OTUD7A: variants seen among roughly 807,000 people sequenced by gnomAD.
OTUD7A encodes OTU domain-containing protein 7A.
OTUD7A carries 12 observed loss-of-function variants against 65.7 expected under a neutral mutation model. That is an observed-to-expected ratio of 0.18 (90% CI 0.12 to 0.30). The LOEUF is 0.30. Ranked by LOEUF, OTUD7A falls within the 10% of genes least tolerant of loss-of-function variation. The probability of loss-of-function intolerance (pLI) is 1.00; values close to 1 mark genes in which losing one functional copy is unlikely to be tolerated. For synonymous variants in OTUD7A, 641 were observed against 586.3 expected (o/e 1.09, Z -1.35); for missense variants, 1,148 against 1,304.8 (o/e 0.88, Z 1.85).
intron 1 of OTUD7A, among the ~76,000 whole-genome samples, chr15:31,702,382 A>G (rs1449236095): frequency 1.4e-5 from 2 of 147,168 alleles, no homozygotes; most frequent in Non-Finnish European, 3.0e-5. Flanking sequence ...AGGACTCTGA[A>G]AACTTTTAGA....
chr15:31,862,313 G>A (rs997436723), intron 1 of OTUD7A, among the ~76,000 whole-genome samples: 4 of 152,220 alleles, frequency 2.6e-5, no homozygotes, highest in African/African-American at 9.6e-5. Context: ...CTGAGATACA[G>A]GAGACATAAC....
rs538250262 is a variant in OTUD7A at position 31,757,830 on chromosome 15, A to G, written c.-99-100753T>C. 1.2e-4 allele frequency among the ~76,000 whole-genome samples: 18 copies of G among 152,362 alleles called. 1 individual carries two copies. The highest frequency in any genetic ancestry group is 6.8e-3 in the Middle Eastern group (2 of 294). On this transcript the variant is annotated intron_variant, in intron 1 of 12. Coordinates refer to ENST00000307050, the MANE Select transcript of OTUD7A (RefSeq NM_001382637.1). ...TTCTTTGAGCATTGTCAGTGCCTTGAGTAAACAAATATTCCACAAAAATTA... is the reference window on the plus strand; with the variant it reads ...TTCTTTGAGCATTGTCAGTGCCTTGGGTAAACAAATATTCCACAAAAATTA...
Position 31,749,080 on chromosome 15 carries a change from T to C in OTUD7A, c.-99-92003A>G, listed in dbSNP as rs191906496. ...GCATGTTCTCACTCATAGGTGGGAA[T>C]TGAACAATGAGAACACATGGACACA... On this transcript the variant is annotated intron_variant, in intron 1 of 12. Transcript: ENST00000307050. Among the ~76,000 whole-genome samples, 38 of 135,220 alleles carry C rather than the reference T, an allele frequency of 2.8e-4. No homozygotes were observed. In the East Asian group the frequency reaches 6.1e-3, roughly 22 times the overall value. The allele number at this position is 135,220 out of a possible 152,430, so 88.7% of individuals were successfully genotyped here. A position where few individuals can be genotyped will look rare whatever the true frequency, so the allele number is the denominator to read the frequency against.
In OTUD7A at chr15:31,771,745, G is replaced by A. The variant is rs957542218; in HGVS notation, c.-100+98762C>T. Among the ~76,000 whole-genome samples the A allele has an allele frequency of 3.9e-5, 6 of 152,112 alleles. No individual in the cohort carries two copies. In the South Asian group the frequency reaches 1.0e-3, roughly 26 times the overall value. On this transcript the variant is annotated intron_variant, in intron 1 of 12. Transcript: ENST00000307050. ...AGTCTAAGTCCAAAGTCACTAGCAT[G>A]GCTTCAAAGCCCCTGCACCAGACCC...
At chr15:31,582,012 C>T (rs993094196) in intron 3 of OTUD7A, among the ~76,000 whole-genome samples, 8 of 152,186 alleles carry the variant, frequency 5.3e-5, no homozygotes, top group Non-Finnish European at 1.2e-4. Flanking sequence ...CACAAAACAA[C>T]ATGCTTTTAA....
chr15:31,629,516 T>A (rs1395556998), intron 3 of OTUD7A, among the ~76,000 whole-genome samples: 1 of 152,228 alleles, frequency 6.6e-6, no homozygotes, highest in African/African-American at 2.4e-5. Context: ...TGAGGATTTT[T>A]GCATCAATGT....
At chr15:31,598,629 G>A (rs1444881677) in intron 3 of OTUD7A, among the ~76,000 whole-genome samples, 2 of 152,102 alleles carry the variant, frequency 1.3e-5, no homozygotes, top group Non-Finnish European at 2.9e-5. Flanking sequence ...CCATACCCCA[G>A]TGGTGCCTGG....
At chr15:31,632,460 TGC>T (rs1891199347) in intron 3 of OTUD7A, among the ~76,000 whole-genome samples, 1 of 152,232 alleles carries the variant, frequency 6.6e-6, no homozygotes, top group Non-Finnish European at 1.5e-5. Flanking sequence ...CCACAGATGC[TGC>T]TGCCTGATCT....
At chr15:31,683,528 A>G (rs750364873) in intron 1 of OTUD7A, among the ~76,000 whole-genome samples, 3 of 152,210 alleles carry the variant, frequency 2.0e-5, no homozygotes, top group Non-Finnish European at 2.9e-5. Context: ...CAGTTTTGAA[A>G]TGAGGATAGC....
intron 1 of OTUD7A, among the ~76,000 whole-genome samples, chr15:31,674,959 ACTT>A (rs1892564668): frequency 6.6e-6 from 1 of 152,138 alleles, no homozygotes; most frequent in Admixed American, 6.5e-5. Flanking sequence ...CCACCCGTGG[ACTT>A]CTTATTATAC....
chr15:31,674,153 A>C (rs1892545274), intron 1 of OTUD7A, among the ~76,000 whole-genome samples: 1 of 152,160 alleles, frequency 6.6e-6, no homozygotes, highest in African/African-American at 2.4e-5. Context: ...GCTGAAGGTA[A>C]GATAAATTTT....
intron 3 of OTUD7A, among the ~76,000 whole-genome samples, chr15:31,628,168 G>T (rs201603029): frequency 7.9e-5 from 12 of 152,038 alleles, no homozygotes; most frequent in Non-Finnish European, 1.8e-4. Flanking sequence ...GTCCTTGCCC[G>T]TGCCTATGTC....
intron 1 of OTUD7A, among the ~76,000 whole-genome samples, chr15:31,759,708 T>C (rs144273351): frequency 6.5e-4 from 99 of 152,232 alleles, no homozygotes; most frequent in African/African-American, 2.3e-3. Flanking sequence ...ATCTTTTGTA[T>C]AGTAGTGCAG....
chr15:31,780,616 GA>G (rs1158058043), intron 1 of OTUD7A, among the ~76,000 whole-genome samples: 7 of 152,178 alleles, frequency 4.6e-5, no homozygotes. Flanking sequence ...GAAAACCACC[GA>G]AGTACAGCAT....
chr15:31,805,257 A>C (rs1309796204), intron 1 of OTUD7A, among the ~76,000 whole-genome samples: 1 of 152,222 alleles, frequency 6.6e-6, no homozygotes, highest in Non-Finnish European at 1.5e-5. Flanking sequence ...TTTGTAATGA[A>C]ATAGAAAAGG....
In OTUD7A at chr15:31,478,307, C is replaced by A. The variant is rs1021122355; in HGVS notation, c.*4987G>T. Reference sequence around the variant, plus strand: ...ATTCAGCCTATATTTACTCTTAAAACCAAATGGTACTCTTCGCCTTATGTT... The same window carrying A: ...ATTCAGCCTATATTTACTCTTAAAAACAAATGGTACTCTTCGCCTTATGTT... On this transcript the variant is annotated 3_prime_UTR_variant, in exon 13 of 13. Transcript: ENST00000307050. 3 of 152,132 alleles carry A rather than the reference C, an allele frequency of 2.0e-5. No homozygotes were observed. Among genetic ancestry groups the A allele is most frequent in the African/African-American group, 4.8e-5 (2 of 41,436 alleles). 9.4% of individuals were successfully genotyped at this position (152,132 alleles called of 1,614,324 possible). A position where few individuals can be genotyped will look rare whatever the true frequency, so the allele number is the denominator to read the frequency against.
At chr15:31,813,787 A>G (rs1172290063) in intron 1 of OTUD7A, among the ~76,000 whole-genome samples, 1 of 152,238 alleles carries the variant, frequency 6.6e-6, no homozygotes, top group African/African-American at 2.4e-5. Flanking sequence ...CTAGTTTTCA[A>G]AATGTTTCTG....
At chr15:31,504,499 C>A (rs909468533) in intron 8 of OTUD7A, among the ~76,000 whole-genome samples, 6 of 152,218 alleles carry the variant, frequency 3.9e-5, no homozygotes, top group African/African-American at 1.4e-4. Flanking sequence ...AAGGTGGCAG[C>A]CTCGATGTCC....
At chr15:31,613,129 T>C (rs1341075986) in intron 3 of OTUD7A, among the ~76,000 whole-genome samples, 3 of 152,152 alleles carry the variant, frequency 2.0e-5, no homozygotes, top group African/African-American at 7.2e-5. Context: ...TCTCTCACCT[T>C]TTACAAAAAT....
Sources: gnomAD v4.1 joint callset for allele counts (sites outside exome capture counted in the v4.1 genomes callset) on GRCh38, gnomAD v4.1.1 for gene constraint, MANE v1.5 for transcripts, NCBI Gene and HGNC (gene_info 2026-07-23, HGNC 2026-07-21) for gene names.